CNEP1R1: variants seen among roughly 807,000 people sequenced by gnomAD.
CNEP1R1 encodes CTD nuclear envelope phosphatase 1 regulatory subunit 1, also known as nuclear envelope phosphatase-regulatory subunit 1.
In CNEP1R1, 10 loss-of-function variants were observed where a neutral mutation model predicts 22.7. That is an observed-to-expected ratio of 0.44 (90% confidence interval 0.27 to 0.75). The LOEUF is 0.75. Ranked by LOEUF, CNEP1R1 falls within the 30% of genes least tolerant of loss-of-function variation. The probability of loss-of-function intolerance (pLI) is 0.17; values close to 1 mark genes in which losing one functional copy is unlikely to be tolerated. For synonymous variants in CNEP1R1, 53 were observed against 50.1 expected (o/e 1.06, Z -0.25); for missense variants, 73 against 151.5 (o/e 0.48, Z 2.72).
Position 50,025,270 on chromosome 16 carries a change from T to G in CNEP1R1, c.-46T>G. 7.2e-7 allele frequency: 1 copy of G among 1,389,798 alleles called. No homozygotes were observed. The highest frequency in any genetic ancestry group is 2.9e-5 in the East Asian group (1 of 34,174). 86.1% of individuals were successfully genotyped at this position (1,389,798 alleles called of 1,614,324 possible). On this transcript the variant is annotated 5_prime_UTR_variant, in exon 1 of 6. Coordinates refer to ENST00000427478, the MANE Select transcript of CNEP1R1 (RefSeq NM_001281789.2). ...CGGGCCGGGCGGGGGCCGCGGAAGC[T>G]GCGATGCGGACAGGGCAGCGGCGGT... is the stretch of plus-strand genomic sequence containing the variant.
At chr16:50,029,469 CTTT>C in intron 2 of CNEP1R1, among the ~76,000 whole-genome samples, 1 of 152,294 alleles carries the variant, frequency 6.6e-6, no homozygotes, top group South Asian at 2.1e-4. Context: ...CATCGAATTG[CTTT>C]TTATTTCATT....
intron 3 of CNEP1R1, among the ~76,000 whole-genome samples, chr16:50,030,779 C>T (rs1408905654): frequency 6.6e-6 from 1 of 152,300 alleles, no homozygotes; most frequent in African/African-American, 2.4e-5. Flanking sequence ...ATATCAATTC[C>T]TTGGGCTAGC....
intron 2 of CNEP1R1, among the ~76,000 whole-genome samples, chr16:50,027,618 TG>T (rs2036197580): frequency 6.6e-6 from 1 of 151,312 alleles, no homozygotes; most frequent in Non-Finnish European, 1.5e-5. Flanking sequence ...AGCTATGTAG[TG>T]AGCTAAGTGA....
At chr16:50,026,197 A>C (rs2036181380) in intron 1 of CNEP1R1, 199 bp from the exon 2 acceptor site, 2 of 472,116 alleles carry the variant, frequency 4.2e-6, no homozygotes, top group Non-Finnish European at 7.5e-6. Flanking sequence ...GGAATTAAAG[A>C]GCCCTAATTT....
At position 50,026,430 on chromosome 16, in the gene CNEP1R1, T is replaced by C; in HGVS notation, c.60T>C (p.Tyr20=). ...CTTTTGAGAGGAGACTTACTGAATATATTCATTGTTTGCAACCTGCTACTG... is the reference window on the plus strand; with the variant it reads ...CTTTTGAGAGGAGACTTACTGAATACATTCATTGTTTGCAACCTGCTACTG... ...LKAFERRLTE[Y]IHCLQPATGR... The change falls in exon 2 of 6, where the codon TAT becomes TAC. Residue 20 remains tyrosine (Y), a synonymous_variant. Transcript: ENST00000427478. 5.0e-6 allele frequency: 8 copies of C among 1,610,830 alleles called. No individual in the cohort carries two copies. Among genetic ancestry groups the C allele is most frequent in the Non-Finnish European group, 6.8e-6 (8 of 1,178,376 alleles).
chr16:50,029,424 G>A (rs540780914), intron 2 of CNEP1R1, among the ~76,000 whole-genome samples: 4 of 152,248 alleles, frequency 2.6e-5, no homozygotes, highest in Non-Finnish European at 4.4e-5. Context: ...CACAGTGAAC[G>A]TTACATAGCG....
intron 2 of CNEP1R1, among the ~76,000 whole-genome samples, chr16:50,027,960 A>G (rs1368463396): frequency 6.6e-6 from 1 of 151,978 alleles, no homozygotes; most frequent in African/African-American, 2.4e-5. Context: ...AATAGTTTTT[A>G]TTTGTTTTTG....
chr16:50,025,728 A>T, intron 1 of CNEP1R1: 1 of 1,604,160 alleles, frequency 6.2e-7, no homozygotes, highest in Non-Finnish European at 8.5e-7. Context: ...CGGTGTTTTA[A>T]AGTTTAAAGC....
Position 50,025,710 on chromosome 16 carries a change from G to A in CNEP1R1, c.25+370G>A, listed in dbSNP as rs755019757. On this transcript the variant is annotated intron_variant, in intron 1 of 5. Transcript: ENST00000427478. ...TTCCGGTAACTGCCAAGGTTAGGAA[G>A]TGCTGCTCGGTGTTTTAAAGTTTAA... The A allele has an allele frequency of 3.7e-6, 6 of 1,612,682 alleles. No homozygotes were observed. The East Asian group carries it at 6.7e-5, about 18-fold the overall frequency.
rs769938628 is a variant in CNEP1R1, at chr16:50,036,138, C to CTTTTTTT, written c.*694_*700dup. On this transcript the variant is annotated 3_prime_UTR_variant, in exon 6 of 6. Transcript: ENST00000427478. ...TCCTTTATATTGCTTTAATAATTTT[C>CTTTTTTT]TTTTTTTTTTTTTTTTTTTTAGACG... 1 of 122,692 alleles carries CTTTTTTT rather than the reference C, an allele frequency of 8.2e-6. No individual in the cohort carries two copies. The highest frequency in any genetic ancestry group is 2.7e-4 in the South Asian group (1 of 3,772). 7.6% of individuals were successfully genotyped at this position (122,692 alleles called of 1,614,324 possible).
chr16:50,034,047 G>A (rs1597119542), intron 4 of CNEP1R1, 55 bp from the exon 5 acceptor site: 11 of 1,382,144 alleles, frequency 8.0e-6, no homozygotes, highest in East Asian at 2.5e-5. Context: ...CACCGCACCC[G>A]GCCTAAAAGC....
intron 4 of CNEP1R1, 133 bp downstream of exon 4, chr16:50,033,639 G>A (rs568313228): frequency 2.6e-4 from 112 of 431,856 alleles, no homozygotes; most frequent in African/African-American, 1.8e-3. Context: ...TGAGGTGGGT[G>A]GATTTCCTGA....
intron 4 of CNEP1R1, among the ~76,000 whole-genome samples, chr16:50,033,868 A>G (rs1466167399): frequency 6.8e-6 from 1 of 147,840 alleles, no homozygotes; most frequent in African/African-American, 2.5e-5. Flanking sequence ...CGTCTCAAAA[A>G]AAAAAAAAAG....
At position 50,036,744 on chromosome 16, in the gene CNEP1R1, T is replaced by C. The variant is rs1219277003; in HGVS notation, c.*1286T>C. ...AGCCCTTAAAATTAAACTATTGGGA[T>C]TGCTGTAAATATTTTAAAGTACTGG... is the stretch of plus-strand genomic sequence containing the variant. On this transcript the variant is annotated 3_prime_UTR_variant, in exon 6 of 6. Transcript: ENST00000427478. 1 of 152,656 alleles carries C rather than the reference T, an allele frequency of 6.6e-6. No homozygotes were observed. Among genetic ancestry groups the C allele is most frequent in the African/African-American group, 2.4e-5 (1 of 41,466 alleles). 9.5% of individuals were successfully genotyped at this position (152,656 alleles called of 1,614,324 possible).
rs2036183732 is a variant in CNEP1R1 at position 50,026,389 on chromosome 16, T to C, written c.26-7T>C. On this transcript the variant is annotated splice_polypyrimidine_tract_variant and splice_region_variant and intron_variant, in intron 1 of 5. Transcript: ENST00000427478. The stretch of plus-strand genomic sequence containing the variant: ...GCTAATTAGAAAATTGACATCTTTA[T>C]ACCTAGATCTCAAGGCTTTTGAGAG... The C allele has an allele frequency of 2.5e-6, 4 of 1,599,336 alleles. No individual in the cohort carries two copies. The highest frequency in any genetic ancestry group is 3.4e-6 in the Non-Finnish European group (4 of 1,170,642).
chr16:50,031,297 T>C (rs973428650), intron 3 of CNEP1R1, among the ~76,000 whole-genome samples: 2 of 152,224 alleles, frequency 1.3e-5, no homozygotes, highest in African/African-American at 4.8e-5. Flanking sequence ...TCCCTAACTT[T>C]ATCTGCTGAG....
chr16:50,033,450 C>T lies in CNEP1R1; in HGVS notation c.225C>T (p.Ile75=), dbSNP rs745585905. 2 of 1,603,726 alleles carry T rather than the reference C, an allele frequency of 1.2e-6. No homozygotes were observed. The highest frequency in any genetic ancestry group is 1.1e-5 in the South Asian group (1 of 90,582). Reference sequence around the variant, plus strand: ...ACCCATTTTTCACCATTAGCTGTATCACTCTAATAGGCTTGTTCTTTGCTG... The same window carrying T: ...ACCCATTTTTCACCATTAGCTGTATTACTCTAATAGGCTTGTTCTTTGCTG... The part of the protein sequence containing the change: ...WNHPFFTISC[I]TLIGLFFAGI... The change falls in exon 4 of 6, where the codon ATC becomes ATT. Residue 75 remains isoleucine, a synonymous_variant. Transcript: ENST00000427478.
chr16:50,035,217 G>A (rs1197851743), intron 5 of CNEP1R1, among the ~76,000 whole-genome samples, 200 bp from the exon 6 acceptor site: 1 of 152,146 alleles, frequency 6.6e-6, no homozygotes, highest in Non-Finnish European at 1.5e-5. Context: ...AAAAAAAGAT[G>A]TATGTAGTAT....
chr16:50,036,912 G>A lies in CNEP1R1; in HGVS notation c.*1454G>A, dbSNP rs1322790456. Reference sequence around the variant, plus strand: ...AACAAGGCTGCCATTTAACTTAAATGTGTTCATCTTAGCTTTCACTTGTAT... The same window carrying A: ...AACAAGGCTGCCATTTAACTTAAATATGTTCATCTTAGCTTTCACTTGTAT... On this transcript the variant is annotated 3_prime_UTR_variant, in exon 6 of 6. Coordinates refer to ENST00000427478, the MANE Select transcript of CNEP1R1 (RefSeq NM_001281789.2). 6.6e-6 allele frequency: 1 copy of A among 152,614 alleles called. No individual in the cohort carries two copies. The highest frequency in any genetic ancestry group is 2.4e-5 in the African/African-American group (1 of 41,452). The allele number at this position is 152,614 out of a possible 1,614,324, so 9.5% of individuals were successfully genotyped here. A position where few individuals can be genotyped will look rare whatever the true frequency, so the allele number is the denominator to read the frequency against.
Sources: gnomAD v4.1 joint callset for allele counts (sites outside exome capture counted in the v4.1 genomes callset) on GRCh38, gnomAD v4.1.1 for gene constraint, MANE v1.5 for transcripts, NCBI Gene and HGNC (gene_info 2026-07-23, HGNC 2026-07-21) for gene names.